The following KNTC1 variants were observed in gnomAD, a reference collection of about 807,000 sequenced individuals.
KNTC1 encodes the protein kinetochore associated 1, also known as kinetochore-associated protein 1.
KNTC1 carries 253 observed loss-of-function variants against 314.4 expected under a neutral mutation model. That is an observed-to-expected ratio of 0.80 (90% CI 0.73 to 0.89). The LOEUF (loss-of-function observed/expected upper bound fraction) is 0.89, where lower values mean the gene tolerates loss of function less well. KNTC1 is among the 40% of genes least tolerant of loss of function. The pLI, the probability that KNTC1 is intolerant of heterozygous loss-of-function variation, is 0.00. For missense variants in KNTC1, 2,475 were observed against 2,572.9 expected (o/e 0.96, Z 0.82); for synonymous variants, 901 against 901.4 (o/e 1.00, Z 0.01).
At chr12:122,534,805 G>A in intron 3 of KNTC1, 21 bp downstream of exon 3, 1 of 1,603,416 alleles carries the variant, frequency 6.2e-7, no homozygotes, top group South Asian at 1.1e-5. Flanking sequence ...TGTAGTGAAT[G>A]AAGTAAGATA....
At chr12:122,562,578 A>G in intron 19 of KNTC1, 60 bp from the exon 20 acceptor site, 1 of 1,003,304 alleles carries the variant, frequency 1.0e-6, no homozygotes, top group Non-Finnish European at 1.5e-6. Context: ...TTCATTTTTA[A>G]TGTTTTAATT....
intron 3 of KNTC1, 106 bp downstream of exon 3, chr12:122,534,890 C>T: frequency 1.9e-6 from 2 of 1,079,958 alleles, no homozygotes; most frequent in Non-Finnish European, 2.7e-6. Context: ...TCTAAGATTT[C>T]AAATTAGACC....
chr12:122,596,321 A>G (rs933558030), intron 43 of KNTC1, among the ~76,000 whole-genome samples: 3 of 151,742 alleles, frequency 2.0e-5, no homozygotes, highest in Admixed American at 6.6e-5. Flanking sequence ...GAGCTCAGGC[A>G]ATCCACCCGT....
Position 122,575,646 on chromosome 12 carries a change from A to T in KNTC1, c.2486A>T (p.Lys829Ile). The stretch of plus-strand genomic sequence containing the variant: ...CAGCACCTGGAAATGGACCATCCCA[A>T]GTAAGATGACTGTCTACGAAACAAT... ...VKQHLEMDHP[K>I]VKLLQESYKL... Residue 829 changes from lysine to isoleucine, a missense_variant and splice_region_variant, in exon 28 of 64, where the codon AAA becomes ATA. Transcript: ENST00000333479. 6.3e-7 allele frequency: 1 copy of T among 1,581,778 alleles called. No homozygotes were observed. Among genetic ancestry groups the T allele is most frequent in the Non-Finnish European group, 8.6e-7 (1 of 1,160,858 alleles).
rs1215471217 is a variant in KNTC1, at chr12:122,551,521, C to T, written c.1194C>T (p.Asn398=). 6.2e-7 allele frequency: 1 copy of T among 1,605,782 alleles called. No individual in the cohort carries two copies. The highest frequency in any genetic ancestry group is 8.5e-7 in the Non-Finnish European group (1 of 1,175,024). The part of the protein sequence containing the change: ...LRCLTEALPE[N]RLSRLLHKHR... ...GTCTTACGGAAGCTTTACCAGAAAA[C>T]AGGTAACTTCTCATTTTTTTTTAAG... The change falls in exon 15 of 64, where the codon AAC becomes AAT. Residue 398 remains asparagine (N), a splice_region_variant and synonymous_variant. Transcript: ENST00000333479.
At chr12:122,620,434 A>G in intron 59 of KNTC1, 45 bp from the exon 60 acceptor site, 1 of 1,575,078 alleles carries the variant, frequency 6.3e-7, no homozygotes, top group Non-Finnish European at 8.7e-7. Flanking sequence ...AATATAATCT[A>G]GTGAATCTGC....
rs1303267201 is a variant in KNTC1, at chr12:122,603,595, T to C, written c.5101+352T>C. 2.0e-5 allele frequency among the ~76,000 whole-genome samples: 3 copies of C among 151,994 alleles called. No homozygotes were observed. In the East Asian group the frequency reaches 5.8e-4, roughly 29 times the overall value. On this transcript the variant is annotated intron_variant, in intron 48 of 63. Transcript: ENST00000333479. ...GCAACCTCCACCTCCCGGGTTCAAG[T>C]GATTCTCCTGCCTCAGTCCCCCGAG... is the stretch of plus-strand genomic sequence containing the variant.
chr12:122,595,390 C>T (rs1476720081), intron 43 of KNTC1, among the ~76,000 whole-genome samples: 1 of 152,194 alleles, frequency 6.6e-6, no homozygotes, highest in African/African-American at 2.4e-5. Flanking sequence ...GAGAAAACAA[C>T]ATAGTATGTG....
At chr12:122,588,845 G>A (rs1203372524) in intron 40 of KNTC1, 29 bp downstream of exon 40, 8 of 1,413,484 alleles carry the variant, frequency 5.7e-6, no homozygotes, top group Non-Finnish European at 6.6e-6. Flanking sequence ...TAAAAATTTT[G>A]TTTGTTTTTT....
intron 13 of KNTC1, among the ~76,000 whole-genome samples, chr12:122,550,171 A>G (rs1390996865): frequency 6.6e-6 from 1 of 152,138 alleles, no homozygotes; most frequent in Non-Finnish European, 1.5e-5. Flanking sequence ...TTGCTGTTAC[A>G]TATTTATGTA....
At chr12:122,620,918 G>A (rs1214346460) in intron 60 of KNTC1, among the ~76,000 whole-genome samples, 1 of 152,260 alleles carries the variant, frequency 6.6e-6, no homozygotes, top group African/African-American at 2.4e-5. Context: ...ACCCATGTAG[G>A]CTTGGACAGA....
chr12:122,553,576 T>C (rs1467293877), intron 16 of KNTC1, among the ~76,000 whole-genome samples: 1 of 151,800 alleles, frequency 6.6e-6, no homozygotes. Flanking sequence ...TCTGGTGAAA[T>C]AGAGATGTCT....
intron 11 of KNTC1, 102 bp downstream of exon 11, chr12:122,547,632 C>G (rs1156421777): frequency 1.3e-6 from 1 of 781,074 alleles, no homozygotes; most frequent in Non-Finnish European, 2.1e-6. Context: ...TTCTAAACAA[C>G]ACTGTGAAAC....
chr12:122,609,415 A>T lies in KNTC1; in HGVS notation c.5528A>T (p.Asp1843Val), dbSNP rs1872879502. Residue 1843 changes from aspartate (D) to valine (V), a missense_variant, in exon 52 of 64, where the codon GAT (aspartate) becomes GTT (valine). Transcript: ENST00000333479. The part of the protein sequence containing the change: ...KPSELFELQE[D>V]EALRRVQYLL... Reference sequence around the variant, plus strand: ...TCAGAATTATTTGAACTTCAAGAAGATGAAGCCCTACGAAGGTACTCTTTT... The same window carrying T: ...TCAGAATTATTTGAACTTCAAGAAGTTGAAGCCCTACGAAGGTACTCTTTT... 8 of 1,585,780 alleles carry T rather than the reference A, an allele frequency of 5.0e-6. 1 individual carries two copies. The South Asian group carries it at 9.3e-5, about 18-fold the overall frequency.
intron 40 of KNTC1, among the ~76,000 whole-genome samples, chr12:122,590,179 C>T (rs1340939623): frequency 2.0e-5 from 3 of 152,090 alleles, no homozygotes; most frequent in Non-Finnish European, 2.9e-5. Flanking sequence ...TCATCATTTT[C>T]TGGCATGCTC....
chr12:122,558,119 A>G (rs1312521903), intron 18 of KNTC1, among the ~76,000 whole-genome samples: 1 of 151,710 alleles, frequency 6.6e-6, no homozygotes, highest in African/African-American at 2.4e-5. Flanking sequence ...GCGTGGTGGC[A>G]CGTGCCTGTA....
chr12:122,533,142 C>G (rs1007817907), intron 2 of KNTC1, among the ~76,000 whole-genome samples: 2 of 151,898 alleles, frequency 1.3e-5, no homozygotes, highest in Non-Finnish European at 2.9e-5. Flanking sequence ...GTGGACAGAT[C>G]CCTAGAAGAT....
chr12:122,601,052 G>A (rs1261781916), intron 44 of KNTC1, among the ~76,000 whole-genome samples: 2 of 151,940 alleles, frequency 1.3e-5, no homozygotes, highest in Non-Finnish European at 2.9e-5. Flanking sequence ...TAATTTTAGA[G>A]GTGAGAAAAT....
Position 122,562,061 on chromosome 12 carries a change from A to C in KNTC1, c.1542+87A>C. On this transcript the variant is annotated intron_variant, in intron 19 of 63. Coordinates refer to ENST00000333479, the MANE Select transcript of KNTC1 (RefSeq NM_014708.6). ...ATTCAAAATAGACCCGTATTTTATC[A>C]AGAGCAAGTTATTTCAATACCTTAC... is the stretch of plus-strand genomic sequence containing the variant. 4 of 1,315,454 alleles carry C rather than the reference A, an allele frequency of 3.0e-6. No homozygotes were observed. In the South Asian group the frequency reaches 5.3e-5, roughly 17 times the overall value. 81.5% of individuals were successfully genotyped at this position (1,315,454 alleles called of 1,614,324 possible).
Sources: allele counts gnomAD v4.1 joint callset (sites outside exome capture counted in the v4.1 genomes callset), GRCh38; gene constraint gnomAD v4.1.1; transcripts MANE v1.5; gene names NCBI Gene and HGNC (gene_info 2026-07-23, HGNC 2026-07-21).